CFAP299: variants seen among roughly 807,000 people sequenced by gnomAD.
The protein encoded by CFAP299 is cilia- and flagella-associated protein 299.
A neutral mutation model predicts 27.0 loss-of-function variants in CFAP299; 21 were observed. That is an observed-to-expected ratio of 0.78 (90% CI 0.55 to 1.12). The LOEUF is 1.12. CFAP299 is among the 50% of genes most tolerant of loss of function. CFAP299 has a pLI of 0.00. For missense variants in CFAP299, 310 were observed against 276.6 expected, an observed-to-expected ratio of 1.12 and a Z score of -0.86; for synonymous variants, 104 against 98.1, an observed-to-expected ratio of 1.06 and a Z score of -0.36.
In CFAP299 at chr4:80,918,569, C is replaced by T. The variant is rs773259609; in HGVS notation, c.477-26241C>T. Among the ~76,000 whole-genome samples, 16 of 151,994 alleles carry T rather than the reference C, an allele frequency of 1.1e-4. 1 individual carries two copies. The highest frequency in any genetic ancestry group is 1.0e-3 in the South Asian group (5 of 4,806). On this transcript the variant is annotated intron_variant, in intron 4 of 5. Transcript: ENST00000358105. ...GAAAGGAGAGAGGAGAGAACATACACGTATTTGTGTATGTGTGTGTTAATT... is the reference window on the plus strand; with the variant it reads ...GAAAGGAGAGAGGAGAGAACATACATGTATTTGTGTATGTGTGTGTTAATT...
chr4:80,516,643 C>A (rs1042996879), intron 2 of CFAP299, among the ~76,000 whole-genome samples: 2 of 152,064 alleles, frequency 1.3e-5, no homozygotes, highest in Non-Finnish European at 2.9e-5. Flanking sequence ...CCCCATGATC[C>A]AATCACCTTC....
chr4:80,588,431 A>G (rs966475795), intron 3 of CFAP299, among the ~76,000 whole-genome samples: 1 of 151,122 alleles, frequency 6.6e-6, no homozygotes, highest in Non-Finnish European at 1.5e-5. Flanking sequence ...CAATAATGTA[A>G]TCTTATGTAA....
At chr4:80,350,087 C>G (rs1233646532) in intron 1 of CFAP299, among the ~76,000 whole-genome samples, 1 of 151,988 alleles carries the variant, frequency 6.6e-6, no homozygotes, top group Non-Finnish European at 1.5e-5. Context: ...AAGACATAAA[C>G]AAAAATGAAC....
At chr4:80,959,408 C>G (rs1312774229) in intron 5 of CFAP299, among the ~76,000 whole-genome samples, 1 of 151,836 alleles carries the variant, frequency 6.6e-6, no homozygotes, top group East Asian at 1.9e-4. Context: ...CAAAACACTG[C>G]TACAACTCTG....
At chr4:80,900,442 C>T (rs1734832001) in intron 4 of CFAP299, among the ~76,000 whole-genome samples, 1 of 151,922 alleles carries the variant, frequency 6.6e-6, no homozygotes, top group Non-Finnish European at 1.5e-5. Flanking sequence ...TCAGACATGC[C>T]AGCATGTGTT....
the CFAP299 span, among the ~76,000 whole-genome samples, chr4:80,329,208 C>CATATATATATATATAT: frequency 4.6e-3 from 619 of 135,958 alleles, 7 homozygotes; most frequent in African/African-American, 0.017. Context: ...ACACTGTATA[C>CATATATATATATATAT]ATATATATAT....
intron 2 of CFAP299, chr4:80,386,507 G>A (rs1725004984): frequency 2.8e-6 from 4 of 1,419,968 alleles, no homozygotes; most frequent in Non-Finnish European, 2.8e-6. Context: ...TCTCGCGGGC[G>A]GTGGTGGGGG....
chr4:80,651,157 C>T (rs1363798063), intron 3 of CFAP299, among the ~76,000 whole-genome samples: 10 of 151,662 alleles, frequency 6.6e-5, no homozygotes, highest in Admixed American at 5.9e-4. Context: ...AAATATTTTT[C>T]TCCTTGTTAC....
intron 3 of CFAP299, among the ~76,000 whole-genome samples, chr4:80,693,010 C>T (rs554267841): frequency 5.3e-5 from 8 of 152,358 alleles, no homozygotes; most frequent in Middle Eastern, 3.4e-3. Context: ...CCATCTCACA[C>T]GAGTTAGAAT....
At chr4:80,784,857 A>G (rs189345700) in intron 3 of CFAP299, among the ~76,000 whole-genome samples, 68 of 152,260 alleles carry the variant, frequency 4.5e-4, no homozygotes, top group South Asian at 1.4e-3. Flanking sequence ...TTAGAGAAAT[A>G]TCTACTCATG....
At chr4:80,667,508 T>G (rs1741201323) in intron 3 of CFAP299, among the ~76,000 whole-genome samples, 1 of 152,138 alleles carries the variant, frequency 6.6e-6, no homozygotes, top group Non-Finnish European at 1.5e-5. Flanking sequence ...CCTCAACCTT[T>G]CCTGTCCTCT....
intron 2 of CFAP299, among the ~76,000 whole-genome samples, chr4:80,409,825 A>G (rs1326258546): frequency 6.6e-6 from 1 of 152,158 alleles, no homozygotes; most frequent in Non-Finnish European, 1.5e-5. Context: ...TATTTTTGGA[A>G]AAAAAGGGCA....
chr4:80,457,801 T>G (rs1001250799), intron 2 of CFAP299, among the ~76,000 whole-genome samples: 1 of 152,166 alleles, frequency 6.6e-6, no homozygotes, highest in Admixed American at 6.5e-5. Context: ...AAGGATATAA[T>G]TTTTCTAGGA....
rs538187552 is a variant in CFAP299, at chr4:80,952,038, A to T, written c.606+7099A>T. ...TGGGAGGTTTTACGCATTCTTTGCT[A>T]TTACTGCCTCATGGAACTTCATTTT... On this transcript the variant is annotated intron_variant, in intron 5 of 5. Transcript: ENST00000358105. 1.6e-4 allele frequency among the ~76,000 whole-genome samples: 24 copies of T among 152,300 alleles called. No homozygotes were observed. In the South Asian group the frequency reaches 5.0e-3, roughly 32 times the overall value.
At chr4:80,935,930 A>T (rs999090350) in intron 4 of CFAP299, among the ~76,000 whole-genome samples, 2 of 152,222 alleles carry the variant, frequency 1.3e-5, no homozygotes, top group African/African-American at 4.8e-5. Flanking sequence ...ACAAAAGTAG[A>T]CATACATGCA....
intron 4 of CFAP299, among the ~76,000 whole-genome samples, chr4:80,943,346 A>T (rs1420767456): frequency 6.6e-6 from 1 of 152,164 alleles, no homozygotes; most frequent in East Asian, 1.9e-4. Context: ...GAGAGTAAAC[A>T]TTGCACTTTT....
At chr4:80,601,480 G>T (rs140327416) in intron 3 of CFAP299, among the ~76,000 whole-genome samples, 2,134 of 152,236 alleles carry the variant, frequency 0.014, 22 homozygotes, top group Middle Eastern at 0.02. Context: ...TTTGCAATTA[G>T]TTGAGAGAAA....
chr4:80,509,465 A>T (rs1732192586), intron 2 of CFAP299, among the ~76,000 whole-genome samples: 1 of 152,178 alleles, frequency 6.6e-6, no homozygotes, highest in African/African-American at 2.4e-5. Flanking sequence ...TTCACATGTG[A>T]ATGTGGCATG....
intron 5 of CFAP299, among the ~76,000 whole-genome samples, chr4:80,947,624 A>G (rs1737541985): frequency 6.6e-6 from 1 of 152,136 alleles, no homozygotes; most frequent in Non-Finnish European, 1.5e-5. Flanking sequence ...TTTAATAAGA[A>G]GCCTGTGTGA....
Sources: allele counts gnomAD v4.1 joint callset (sites outside exome capture counted in the v4.1 genomes callset), GRCh38; gene constraint gnomAD v4.1.1; transcripts MANE v1.5; gene names NCBI Gene and HGNC (gene_info 2026-07-23, HGNC 2026-07-21).